The following HIVEP3 variants were observed in gnomAD, a reference collection of about 807,000 sequenced individuals.
The protein encoded by HIVEP3 is transcription factor HIVEP3.
In HIVEP3, 49 loss-of-function variants were observed where a neutral mutation model predicts 152.8. The observed-to-expected ratio is 0.32, with a 90% confidence interval of 0.26 to 0.41. HIVEP3 has a LOEUF of 0.41. Among genes scored for constraint, HIVEP3 ranks in the 10% least tolerant of loss-of-function variants. HIVEP3 has a pLI of 1.00. For missense variants in HIVEP3, 2,790 were observed against 3,103.3 expected, an observed-to-expected ratio of 0.90 and a Z score of 2.40; for synonymous variants, 1,269 against 1,289.0, an observed-to-expected ratio of 0.98 and a Z score of 0.33.
chr1:41,660,499 A>G (rs1570249452), intron 2 of HIVEP3, among the ~76,000 whole-genome samples: 1 of 152,130 alleles, frequency 6.6e-6, no homozygotes, highest in South Asian at 2.1e-4. Flanking sequence ...ACCACTAACT[A>G]CTGGGTGATC....
intron 1 of HIVEP3, among the ~76,000 whole-genome samples, chr1:41,875,994 T>A (rs2786481): frequency 6.6e-6 from 1 of 152,068 alleles, no homozygotes; most frequent in Non-Finnish European, 1.5e-5. Flanking sequence ...GCTACTCTAG[T>A]CACATCTACA....
At chr1:41,939,365 C>T (rs917980218) in intron 1 of HIVEP3, among the ~76,000 whole-genome samples, 2 of 152,132 alleles carry the variant, frequency 1.3e-5, no homozygotes, top group African/African-American at 4.8e-5. Flanking sequence ...GGGGTTAGAA[C>T]CTTAGAATTT....
At chr1:41,690,694 G>A (rs1431205314) in intron 2 of HIVEP3, among the ~76,000 whole-genome samples, 1 of 152,200 alleles carries the variant, frequency 6.6e-6, no homozygotes, top group Non-Finnish European at 1.5e-5. Context: ...GAGGCAGATG[G>A]ATCACCTGAG....
At chr1:41,743,774 A>C (rs1030598342) in intron 1 of HIVEP3, among the ~76,000 whole-genome samples, 2 of 152,280 alleles carry the variant, frequency 1.3e-5, no homozygotes, top group African/African-American at 4.8e-5. Context: ...GGTCCCTAGC[A>C]GGCTCAGTAG....
At chr1:41,983,190 A>T (rs538671398) in intron 1 of HIVEP3, among the ~76,000 whole-genome samples, 4 of 152,360 alleles carry the variant, frequency 2.6e-5, no homozygotes, top group Admixed American at 2.6e-4. Context: ...CAGGCCACAG[A>T]CCAATAGCAG....
chr1:41,994,088 C>G (rs2124519255), intron 1 of HIVEP3, among the ~76,000 whole-genome samples: 1 of 151,096 alleles, frequency 6.6e-6, no homozygotes, highest in Middle Eastern at 3.4e-3. Flanking sequence ...CAGCATGGCA[C>G]ATGTATACAT....
At position 41,584,141 on chromosome 1, in the gene HIVEP3, G is replaced by A. The variant is rs1331887040; in HGVS notation, c.657C>T (p.Pro219=). The part of the protein sequence containing the change: ...KHIRSHTGER[P]YPCGPCGFSF... ...AGAAGCCACAGGGGCCGCAGGGGTA[G>A]GGCCTCTCACCTGTGTGTGAGCGAA... The change falls in exon 4 of 9, where the codon CCC becomes CCT. Residue 219 remains proline, a synonymous_variant. Coordinates refer to ENST00000372583, the MANE Select transcript of HIVEP3 (RefSeq NM_024503.5). The surrounding 1 kb of genome is among the most constrained non-coding windows in gnomAD (Gnocchi z 5.2). The A allele has an allele frequency of 6.2e-7, 1 of 1,614,050 alleles. No homozygotes were observed. Among genetic ancestry groups the A allele is most frequent in the East Asian group, 2.2e-5 (1 of 44,892 alleles).
chr1:41,525,263 C>A (rs1182978952), intron 5 of HIVEP3, among the ~76,000 whole-genome samples: 3 of 151,110 alleles, frequency 2.0e-5, no homozygotes, highest in Admixed American at 6.6e-5. Flanking sequence ...CCACCGCAGG[C>A]CACCAGAGTC....
chr1:41,760,829 C>A (rs561517660), intron 1 of HIVEP3, among the ~76,000 whole-genome samples: 18 of 152,236 alleles, frequency 1.2e-4, no homozygotes, highest in African/African-American at 4.1e-4. Context: ...GGCCCAGCCA[C>A]CTGGTCTCCC....
In HIVEP3 at chr1:41,581,512, C is replaced by T; in HGVS notation, c.3286G>A (p.Gly1096Ser). ...SQISSAATSH[G>S]GPPGGKGPGQ... ...GGGCCCTTGCCTCCCGGGGGTCCAC[C>T]ATGTGAGGTGGCCGCAGAGGAAATC... The change falls in exon 4 of 9, where the codon GGT (glycine) becomes AGT (serine). Residue 1096 changes from glycine (G) to serine (S), a missense_variant. Physicochemically the swap from Gly to Ser is moderately conservative, Grantham distance 56 (BLOSUM62 0). Transcript: ENST00000372583. This position sits in a 1 kb window ranked among gnomAD's most constrained non-coding sequence, Gnocchi z 4.5. 1.3e-6 allele frequency: 2 copies of T among 1,584,304 alleles called. No individual in the cohort carries two copies. The highest frequency in any genetic ancestry group is 1.8e-5 in the Admixed American group (1 of 57,098).
Position 41,506,554 on chromosome 1 carries a change from A to C in HIVEP3, c.*3897T>G, listed in dbSNP as rs551206908. ...CAATACTGAGCATTTTTCCTTTTGTACGTCAGACTCTGTGCTTTAGACCTG... is the reference window on the plus strand; with the variant it reads ...CAATACTGAGCATTTTTCCTTTTGTCCGTCAGACTCTGTGCTTTAGACCTG... On this transcript the variant is annotated 3_prime_UTR_variant, in exon 9 of 9. Transcript: ENST00000372583. 5 of 151,836 alleles carry C rather than the reference A, an allele frequency of 3.3e-5. No individual in the cohort carries two copies. Among genetic ancestry groups the C allele is most frequent in the Admixed American group, 1.3e-4 (2 of 15,254 alleles). The allele number at this position is 151,836 out of a possible 1,614,324, so 9.4% of individuals were successfully genotyped here.
chr1:42,021,448 C>G (rs576071182), intron 1 of HIVEP3, among the ~76,000 whole-genome samples: 1 of 152,078 alleles, frequency 6.6e-6, no homozygotes, highest in East Asian at 1.9e-4. Context: ...GCCTGAGATT[C>G]TTAGGAAAGG....
intron 1 of HIVEP3, among the ~76,000 whole-genome samples, chr1:41,910,059 A>G (rs1315638209): frequency 6.6e-6 from 1 of 151,968 alleles, no homozygotes; most frequent in East Asian, 1.9e-4. Flanking sequence ...TCAAATGTAA[A>G]TAAGTTAGAT....
chr1:41,683,735 A>G (rs1451950497), intron 2 of HIVEP3, among the ~76,000 whole-genome samples: 1 of 152,204 alleles, frequency 6.6e-6, no homozygotes, highest in Non-Finnish European at 1.5e-5. Context: ...GGACTCAGTA[A>G]AAATTCAAGA....
At chr1:41,663,299 C>A (rs1428673675) in intron 2 of HIVEP3, among the ~76,000 whole-genome samples, 1 of 152,198 alleles carries the variant, frequency 6.6e-6, no homozygotes, top group Non-Finnish European at 1.5e-5. Context: ...CAGGAGGAGA[C>A]AATGGAGCTG....
At chr1:41,783,533 C>T (rs1810202) in intron 1 of HIVEP3, among the ~76,000 whole-genome samples, 58,389 of 151,930 alleles carry the variant, frequency 0.38, 13,111 homozygotes, top group Non-Finnish European at 0.51. Context: ...GGGAGGGATG[C>T]GGGCAACCTC....
intron 1 of HIVEP3, among the ~76,000 whole-genome samples, chr1:41,799,539 A>C (rs1329241076): frequency 6.6e-6 from 1 of 152,152 alleles, no homozygotes. Flanking sequence ...GCTTATCAGC[A>C]CTTCCCCAGA....
chr1:41,862,228 G>A (rs147941801), intron 1 of HIVEP3, among the ~76,000 whole-genome samples: 2 of 152,146 alleles, frequency 1.3e-5, no homozygotes, highest in African/African-American at 4.8e-5. Context: ...CAATGAAATG[G>A]CTGTCTGTCC....
intron 1 of HIVEP3, among the ~76,000 whole-genome samples, chr1:41,989,306 A>G (rs900515940): frequency 6.6e-6 from 1 of 152,238 alleles, no homozygotes; most frequent in African/African-American, 2.4e-5. Flanking sequence ...GTACATATAT[A>G]TATACATCAC....
Sources: gnomAD v4.1 joint callset for allele counts (sites outside exome capture counted in the v4.1 genomes callset) on GRCh38, gnomAD v4.1.1 for gene constraint, Gnocchi (gnomAD v3.1) non-coding constraint, MANE v1.5 for transcripts, NCBI Gene and HGNC (gene_info 2026-07-23, HGNC 2026-07-21) for gene names.